The following ASB18 variants were observed in gnomAD, a reference collection of about 807,000 sequenced individuals.
The protein encoded by ASB18 is ankyrin repeat and SOCS box containing 18.
In ASB18, 33 loss-of-function variants were observed where a neutral mutation model predicts 33.4. The ratio of observed to expected loss-of-function variants is 0.99; its 90% confidence interval spans 0.75 to 1.32. ASB18 has a LOEUF of 1.32. Ranked by LOEUF, ASB18 falls within the 40% of genes most tolerant of loss-of-function variation. The probability of loss-of-function intolerance (pLI) is 0.00; values close to 1 mark genes in which losing one functional copy is unlikely to be tolerated. For missense variants in ASB18, 694 were observed against 655.5 expected (o/e 1.06, Z -0.64); for synonymous variants, 295 against 307.6 (o/e 0.96, Z 0.43).
Position 236,214,664 on chromosome 2 carries a change from C to G in ASB18, c.799G>C (p.Asp267His). The G allele has an allele frequency of 8.7e-7, 1 of 1,145,852 alleles. No homozygotes were observed. Among genetic ancestry groups the G allele is most frequent in the African/African-American group, 1.6e-5 (1 of 60,696 alleles). 71.0% of individuals were successfully genotyped at this position (1,145,852 alleles called of 1,614,324 possible). A position where few individuals can be genotyped will look rare whatever the true frequency, so the allele number is the denominator to read the frequency against. ...AGGCGCAGGCAGCGCCCGTGCTCGT[C>G]GGGCCTCCGCGCCGCACCGCAGGCC... The part of the protein sequence containing the change: ...SAACGAARRP[D>H]EHGRCLRLCA... The change falls in exon 4 of 6, where the codon GAC becomes CAC. Residue 267 changes from aspartate to histidine, a missense_variant. Transcript: ENST00000409749. This position sits in a 1 kb window ranked among gnomAD's most constrained non-coding sequence, Gnocchi z 6.5.
rs191242200 is a variant in ASB18, at chr2:236,195,736, G to T, written c.1215+536C>A. ...TCACCATGTTGGCCAGTCTGGTCTT[G>T]AACTCCTGACCTCAAGCGATCTGCC... On this transcript the variant is annotated intron_variant, in intron 5 of 5. Coordinates refer to ENST00000409749, the MANE Select transcript of ASB18 (RefSeq NM_212556.4). The surrounding 1 kb of genome is among the most constrained non-coding windows in gnomAD (Gnocchi z 5.5). Among the ~76,000 whole-genome samples the T allele has an allele frequency of 6.6e-6, 1 of 152,200 alleles. No individual in the cohort carries two copies. The highest frequency in any genetic ancestry group is 6.5e-5 in the Admixed American group (1 of 15,294).
Position 236,216,171 on chromosome 2 carries a change from T to A in ASB18, c.597-1305A>T, listed in dbSNP as rs2060486922. Among the ~76,000 whole-genome samples, 1 of 152,204 alleles carries A rather than the reference T, an allele frequency of 6.6e-6. No homozygotes were observed. The highest frequency in any genetic ancestry group is 1.5e-5 in the Non-Finnish European group (1 of 68,026). ...GCCCTGTTGGAGGACGCAGCCTTCA[T>A]GGAGCTGGCCTTGGTCTCAGCTGGG... On this transcript the variant is annotated intron_variant, in intron 3 of 5. Transcript: ENST00000409749. This position sits in a 1 kb window ranked among gnomAD's most constrained non-coding sequence, Gnocchi z 6.1.
rs981160486 is a variant in ASB18, at chr2:236,256,777, G to A, written c.205+7364C>T. Among the ~76,000 whole-genome samples the A allele has an allele frequency of 5.9e-5, 9 of 152,164 alleles. No homozygotes were observed. Among genetic ancestry groups the A allele is most frequent in the African/African-American group, 1.9e-4 (8 of 41,440 alleles). On this transcript the variant is annotated intron_variant, in intron 1 of 5. Coordinates refer to ENST00000409749, the MANE Select transcript of ASB18 (RefSeq NM_212556.4). This position sits in a 1 kb window ranked among gnomAD's most constrained non-coding sequence, Gnocchi z 4.7. The stretch of plus-strand genomic sequence containing the variant: ...GTTCATACTTGGGGGGAGCTGAGAC[G>A]CGACCCTGTAGGATTTTTTTTCTTG...
chr2:236,196,672 G>A lies in ASB18; in HGVS notation c.1102-287C>T, dbSNP rs534615103. Among the ~76,000 whole-genome samples, 1 of 152,218 alleles carries A rather than the reference G, an allele frequency of 6.6e-6. No individual in the cohort carries two copies. The highest frequency in any genetic ancestry group is 2.4e-5 in the African/African-American group (1 of 41,444). On this transcript the variant is annotated intron_variant, in intron 4 of 5. Coordinates refer to ENST00000409749, the MANE Select transcript of ASB18 (RefSeq NM_212556.4). The surrounding 1 kb of genome is among the most constrained non-coding windows in gnomAD (Gnocchi z 5.6). ...AGTGCTTAAGCATTCAGGTTCCCAG[G>A]GGGGCTATGCTGGTGGCTTGGCAGG... is the stretch of plus-strand genomic sequence containing the variant.
Position 236,195,008 on chromosome 2 carries a change from C to G in ASB18, c.1265G>C (p.Arg422Pro), listed in dbSNP as rs200718582. The G allele has an allele frequency of 1.2e-5, 19 of 1,613,520 alleles. No homozygotes were observed. In the East Asian group the frequency reaches 4.2e-4, roughly 36 times the overall value. Residue 422 changes from arginine (R) to proline (P), a missense_variant, in exon 6 of 6, where the codon CGC becomes CCC. By Grantham distance (103) the Arg-to-Pro change is moderately radical (BLOSUM62 -2). Transcript: ENST00000409749. This position sits in a 1 kb window ranked among gnomAD's most constrained non-coding sequence, Gnocchi z 5.5. ...QSLFALALTP[R>P]CLQHLCRCAL... ...ACAGCGGCAAAGATGCTGCAGGCAG[C>G]GTGGGGTGAGGGCCAAGGCAAAGAG... is the stretch of plus-strand genomic sequence containing the variant.
rs2060482833 is a variant in ASB18, at chr2:236,215,286, C to A, written c.597-420G>T. On this transcript the variant is annotated intron_variant, in intron 3 of 5. Coordinates refer to ENST00000409749, the MANE Select transcript of ASB18 (RefSeq NM_212556.4). This position sits in a 1 kb window ranked among gnomAD's most constrained non-coding sequence, Gnocchi z 7.2. ...TGGGGGTCAGACTCTTTCCCGGCCC[C>A]CATCTAGCCCTTCTGGAAACCGCTC... 6.6e-6 allele frequency among the ~76,000 whole-genome samples: 1 copy of A among 152,118 alleles called. No individual in the cohort carries two copies. Among genetic ancestry groups the A allele is most frequent in the Non-Finnish European group, 1.5e-5 (1 of 68,032 alleles).
intron 4 of ASB18, among the ~76,000 whole-genome samples, chr2:236,197,103 C>T (rs2060378104): frequency 1.3e-5 from 2 of 152,060 alleles, no homozygotes; most frequent in South Asian, 2.1e-4. Flanking sequence ...TTGATCCTGC[C>T]CATCCACTTC....
chr2:236,214,833 C>A lies in ASB18; in HGVS notation c.630G>T (p.Ser210=). The change falls in exon 4 of 6, where the codon TCG becomes TCT. Residue 210 remains serine, a synonymous_variant. Coordinates refer to ENST00000409749, the MANE Select transcript of ASB18 (RefSeq NM_212556.4). This position sits in a 1 kb window ranked among gnomAD's most constrained non-coding sequence, Gnocchi z 6.5. ...GGCCCGTGCCGCCCACGCGCTGCACCGAGGCCCCGTGCTCCAGCAGCGCCT... is the reference window on the plus strand; with the variant it reads ...GGCCCGTGCCGCCCACGCGCTGCACAGAGGCCCCGTGCTCCAGCAGCGCCT... ...CAQALLEHGA[S]VQRVGGTGRD... is the part of the protein sequence containing the mutation. The A allele has an allele frequency of 8.2e-7, 1 of 1,213,408 alleles. No homozygotes were observed. The highest frequency in any genetic ancestry group is 1.0e-6 in the Non-Finnish European group (1 of 975,922). The allele number at this position is 1,213,408 out of a possible 1,614,324, so 75.2% of individuals were successfully genotyped here. A position where few individuals can be genotyped will look rare whatever the true frequency, so the allele number is the denominator to read the frequency against.
rs2060538779 is a variant in ASB18, at chr2:236,226,492, T to C, written c.596+11197A>G. 6.6e-6 allele frequency among the ~76,000 whole-genome samples: 1 copy of C among 152,202 alleles called. No individual in the cohort carries two copies. The highest frequency in any genetic ancestry group is 2.4e-5 in the African/African-American group (1 of 41,462). ...AGAGAGATTTTTTAAATCCCCACTT[T>C]AATAAAAAGACATTTAAAAAGTCCT... On this transcript the variant is annotated intron_variant, in intron 3 of 5. Coordinates refer to ENST00000409749, the MANE Select transcript of ASB18 (RefSeq NM_212556.4). The surrounding 1 kb of genome is among the most constrained non-coding windows in gnomAD (Gnocchi z 4.8).
In ASB18 at chr2:236,195,555, A is replaced by G. The variant is rs10167618; in HGVS notation, c.1216-498T>C. On this transcript the variant is annotated intron_variant, in intron 5 of 5. Coordinates refer to ENST00000409749, the MANE Select transcript of ASB18 (RefSeq NM_212556.4). The surrounding 1 kb of genome is among the most constrained non-coding windows in gnomAD (Gnocchi z 5.5). ...TTTTGAGATGGAGTCTAGCTCTGTC[A>G]CCCAGGCTGGAGTGCAGTGGCGTGA... Among the ~76,000 whole-genome samples the G allele has an allele frequency of 0.14, 20,418 of 150,530 alleles. 1,562 individuals carry two copies. Among genetic ancestry groups the G allele is most frequent in the Middle Eastern group, 0.22 (65 of 292 alleles).
rs563595527 is a variant in ASB18, at chr2:236,257,964, C to T, written c.205+6177G>A. On this transcript the variant is annotated intron_variant, in intron 1 of 5. Transcript: ENST00000409749. The surrounding 1 kb of genome is among the most constrained non-coding windows in gnomAD (Gnocchi z 5.5). ...TTCTCCAGGGAACAGCAGGGACTTG[C>T]GGCATTGCCAATTCCTCCTTCTTTG... 5.9e-5 allele frequency among the ~76,000 whole-genome samples: 9 copies of T among 152,318 alleles called. No individual in the cohort carries two copies. In the East Asian group the frequency reaches 7.7e-4, roughly 13 times the overall value.
At position 236,204,056 on chromosome 2, in the gene ASB18, A is replaced by G. The variant is rs146179732; in HGVS notation, c.1102-7671T>C. On this transcript the variant is annotated intron_variant, in intron 4 of 5. Coordinates refer to ENST00000409749, the MANE Select transcript of ASB18 (RefSeq NM_212556.4). This position sits in a 1 kb window ranked among gnomAD's most constrained non-coding sequence, Gnocchi z 5.1. ...GCAGTCAGGAGGGTAGGAGATTTTGAGATATATTTAGGGGGAAGAGTGGGG... is the reference window on the plus strand; with the variant it reads ...GCAGTCAGGAGGGTAGGAGATTTTGGGATATATTTAGGGGGAAGAGTGGGG... Among the ~76,000 whole-genome samples the G allele has an allele frequency of 2.0e-5, 3 of 152,076 alleles. No homozygotes were observed. Among genetic ancestry groups the G allele is most frequent in the Non-Finnish European group, 4.4e-5 (3 of 67,978 alleles).
intron 1 of ASB18, among the ~76,000 whole-genome samples, chr2:236,243,126 C>A (rs983588008): frequency 3.3e-5 from 5 of 149,616 alleles, no homozygotes; most frequent in African/African-American, 1.2e-4. Context: ...GTCAGGAGAT[C>A]GAGATCATCC....
chr2:236,207,636 G>A (rs369042068), intron 4 of ASB18, among the ~76,000 whole-genome samples: 16 of 152,092 alleles, frequency 1.1e-4, no homozygotes, highest in African/African-American at 3.9e-4. Flanking sequence ...AGGGGGACGA[G>A]GGCCTGGCCC....
In ASB18 at chr2:236,237,557, A is replaced by G. The variant is rs2060600298; in HGVS notation, c.596+132T>C. 1.6e-6 allele frequency: 1 copy of G among 637,930 alleles called. No individual in the cohort carries two copies. The highest frequency in any genetic ancestry group is 2.2e-6 in the Non-Finnish European group (1 of 448,484). 39.5% of individuals were successfully genotyped at this position (637,930 alleles called of 1,614,324 possible). On this transcript the variant is annotated intron_variant, in intron 3 of 5. Transcript: ENST00000409749. This position sits in a 1 kb window ranked among gnomAD's most constrained non-coding sequence, Gnocchi z 6.2. ...TCTGGGGATCCAGTGGGCAGAGTCAAGGGTGCAGGGTCTGGGTCCGGAGGC... is the reference window on the plus strand; with the variant it reads ...TCTGGGGATCCAGTGGGCAGAGTCAGGGGTGCAGGGTCTGGGTCCGGAGGC...
intron 4 of ASB18, among the ~76,000 whole-genome samples, chr2:236,199,270 G>C (rs1007330733): frequency 2.6e-5 from 4 of 152,058 alleles, no homozygotes; most frequent in African/African-American, 9.6e-5. Flanking sequence ...AAATTAGCCA[G>C]GCATGATGGT....
Position 236,196,261 on chromosome 2 carries a change from A to C in ASB18, c.1215+11T>G. 6.9e-7 allele frequency: 1 copy of C among 1,444,814 alleles called. No individual in the cohort carries two copies. Among genetic ancestry groups the C allele is most frequent in the Non-Finnish European group, 9.5e-7 (1 of 1,048,800 alleles). 89.5% of individuals were successfully genotyped at this position (1,444,814 alleles called of 1,614,324 possible). A position where few individuals can be genotyped will look rare whatever the true frequency, so the allele number is the denominator to read the frequency against. Reference sequence around the variant, plus strand: ...TTGTACTAAAGATGGGCAGAAAGGCAGCCCTCTTGCCTGGAATACTTCCTC... The same window carrying C: ...TTGTACTAAAGATGGGCAGAAAGGCCGCCCTCTTGCCTGGAATACTTCCTC... On this transcript the variant is annotated intron_variant, in intron 5 of 5. Transcript: ENST00000409749. This position sits in a 1 kb window ranked among gnomAD's most constrained non-coding sequence, Gnocchi z 5.6.
intron 1 of ASB18, chr2:236,247,375 T>C (rs60593292): frequency 0.26 from 39,758 of 151,956 alleles, 7,833 homozygotes; most frequent in African/African-American, 0.56. Flanking sequence ...AATCTTAAGG[T>C]TTGAGGGTTT....
At position 236,237,827 on chromosome 2, in the gene ASB18, C is replaced by A; in HGVS notation, c.458G>T (p.Arg153Leu). The change falls in exon 3 of 6, where the codon CGC (arginine) becomes CTC (leucine). Residue 153 changes from arginine to leucine, a missense_variant. By Grantham distance (102) the Arg-to-Leu change is moderately radical (BLOSUM62 -2). Coordinates refer to ENST00000409749, the MANE Select transcript of ASB18 (RefSeq NM_212556.4). The surrounding 1 kb of genome is among the most constrained non-coding windows in gnomAD (Gnocchi z 6.2). ...GADPDASPGG[R>L]GALHEACLGG... is the part of the protein sequence containing the mutation. ...GAGGCAGGCCTCGTGCAGGGCGCCG[C>A]GGCCGCCGGGGCTGGCGTCTGGGTC... 7.3e-7 allele frequency: 1 copy of A among 1,374,458 alleles called. No homozygotes were observed. The highest frequency in any genetic ancestry group is 9.3e-7 in the Non-Finnish European group (1 of 1,074,978). 85.1% of individuals were successfully genotyped at this position (1,374,458 alleles called of 1,614,324 possible). A position where few individuals can be genotyped will look rare whatever the true frequency, so the allele number is the denominator to read the frequency against.
Sources: gnomAD v4.1 joint callset for allele counts (sites outside exome capture counted in the v4.1 genomes callset) on GRCh38, gnomAD v4.1.1 for gene constraint, Gnocchi (gnomAD v3.1) non-coding constraint, MANE v1.5 for transcripts, NCBI Gene and HGNC (gene_info 2026-07-23, HGNC 2026-07-21) for gene names.